ZWILCH: variants seen among roughly 807,000 people sequenced by gnomAD.
The protein encoded by ZWILCH is zwilch kinetochore protein.
In ZWILCH, 74 loss-of-function variants were observed where a neutral mutation model predicts 79.9. The observed-to-expected ratio is 0.93, with a 90% CI of 0.77 to 1.12. The LOEUF (loss-of-function observed/expected upper bound fraction) is 1.12, where lower values mean the gene tolerates loss of function less well. ZWILCH is among the 50% of genes most tolerant of loss of function. ZWILCH has a pLI of 0.00. For synonymous variants in ZWILCH, 241 were observed against 228.2 expected (o/e 1.06, Z -0.51); for missense variants, 694 against 687.5 (o/e 1.01, Z -0.11).
chr15:66,539,204 G>A (rs1489782315), intron 16 of ZWILCH, among the ~76,000 whole-genome samples: 1 of 151,572 alleles, frequency 6.6e-6, no homozygotes, highest in East Asian at 1.9e-4. Flanking sequence ...AATGGTTACC[G>A]ATAGCCTGGG....
At chr15:66,505,445 G>A in intron 1 of ZWILCH, 54 bp downstream of exon 1, 2 of 1,601,852 alleles carry the variant, frequency 1.2e-6, no homozygotes, top group Non-Finnish European at 1.7e-6. Flanking sequence ...TTCTTTCCCT[G>A]GGTGTCTGGA....
intron 6 of ZWILCH, 69 bp downstream of exon 6, chr15:66,520,729 G>GT (rs1180909790): frequency 8.0e-5 from 84 of 1,048,634 alleles, no homozygotes; most frequent in South Asian, 1.8e-4. Flanking sequence ...TAGTTTACAG[G>GT]TTTTTTTTCA....
chr15:66,519,229 T>G, intron 5 of ZWILCH, 151 bp downstream of exon 5: 1 of 697,904 alleles, frequency 1.4e-6, no homozygotes, highest in Non-Finnish European at 2.4e-6. Context: ...GGTGTGTAAC[T>G]TGCAGCATGT....
At chr15:66,508,733 G>C in intron 1 of ZWILCH, 108 bp from the exon 2 acceptor site, 1 of 1,494,766 alleles carries the variant, frequency 6.7e-7, no homozygotes, top group African/African-American at 1.4e-5. Flanking sequence ...CTTGCTTTTT[G>C]CCTTTCCTAT....
At chr15:66,515,901 T>TA (rs1233784188) in intron 4 of ZWILCH, among the ~76,000 whole-genome samples, 2 of 152,232 alleles carry the variant, frequency 1.3e-5, no homozygotes, top group African/African-American at 4.8e-5. Flanking sequence ...TTGTTTTCCT[T>TA]ATGTGTAATC....
chr15:66,543,997 C>T (rs76314173), intron 17 of ZWILCH, among the ~76,000 whole-genome samples: 2,423 of 152,180 alleles, frequency 0.016, 65 homozygotes, highest in African/African-American at 0.056. Flanking sequence ...ATATGGCTCA[C>T]GCCTGTAATC....
intron 12 of ZWILCH, among the ~76,000 whole-genome samples, chr15:66,530,246 C>T: frequency 6.6e-6 from 1 of 152,076 alleles, no homozygotes; most frequent in Non-Finnish European, 1.5e-5. Flanking sequence ...AAGGAATATA[C>T]ACAATTGTAT....
chr15:66,532,897 A>G, intron 13 of ZWILCH, 88 bp from the exon 14 acceptor site: 1 of 908,206 alleles, frequency 1.1e-6, no homozygotes, highest in Non-Finnish European at 1.5e-6. Flanking sequence ...GAATTTAAGA[A>G]TTTAAATAGA....
intron 4 of ZWILCH, among the ~76,000 whole-genome samples, chr15:66,516,853 T>C (rs1038353297): frequency 3.9e-5 from 6 of 152,176 alleles, no homozygotes; most frequent in African/African-American, 1.4e-4. Context: ...AGGTACTTGA[T>C]TTTAGTCATA....
chr15:66,512,377 G>C (rs113507227), intron 2 of ZWILCH, among the ~76,000 whole-genome samples: 1,955 of 151,688 alleles, frequency 0.013, 34 homozygotes, highest in African/African-American at 0.045. Context: ...TCACACCTCA[G>C]CCTCCCAAGT....
intron 4 of ZWILCH, among the ~76,000 whole-genome samples, chr15:66,517,418 G>A (rs1368285233): frequency 7.3e-5 from 1 of 13,776 alleles, no homozygotes; most frequent in Non-Finnish European, 1.2e-4. Flanking sequence ...TTGTGTGTGC[G>A]TGTGTGTGTG....
chr15:66,527,235 TGATTA>T, intron 8 of ZWILCH, 50 bp from the exon 9 acceptor site: 1 of 1,211,508 alleles, frequency 8.3e-7, no homozygotes, highest in Non-Finnish European at 1.2e-6. Flanking sequence ...ACATCCTTAT[TGATTA>T]AACAGTGTTT....
intron 17 of ZWILCH, among the ~76,000 whole-genome samples, chr15:66,542,677 A>G (rs1895231909): frequency 6.6e-6 from 1 of 152,176 alleles, no homozygotes; most frequent in South Asian, 2.1e-4. Context: ...ATAGTAAGGT[A>G]AACAGTGTAC....
At chr15:66,506,653 C>T (rs924107635) in intron 1 of ZWILCH, among the ~76,000 whole-genome samples, 2 of 151,992 alleles carry the variant, frequency 1.3e-5, no homozygotes, top group African/African-American at 4.8e-5. Context: ...AAGGCTCTGT[C>T]TCTAAAATAA....
intron 1 of ZWILCH, 49 bp downstream of exon 1, chr15:66,505,440 T>C: frequency 6.2e-7 from 1 of 1,604,340 alleles, no homozygotes; most frequent in Non-Finnish European, 8.5e-7. Context: ...AGCACTTCTT[T>C]CCCTGGGTGT....
chr15:66,537,128 G>T (rs745652715), intron 15 of ZWILCH, 40 bp from the exon 16 acceptor site: 1 of 1,508,954 alleles, frequency 6.6e-7, no homozygotes, highest in South Asian at 1.1e-5. Context: ...TATGTCAAAT[G>T]GCTCTTTTTT....
At position 66,515,515 on chromosome 15, in the gene ZWILCH, C is replaced by T; in HGVS notation, c.202-11C>T. On this transcript the variant is annotated splice_polypyrimidine_tract_variant and intron_variant, in intron 3 of 18. Coordinates refer to ENST00000307897, the MANE Select transcript of ZWILCH (RefSeq NM_017975.5). ...TTTTGTCTGGTTAAATAATTAAGAA[C>T]ATTTTTAAAGCCTTTAGAAAAGGAA... 2 of 1,544,012 alleles carry T rather than the reference C, an allele frequency of 1.3e-6. No homozygotes were observed. The highest frequency in any genetic ancestry group is 1.8e-6 in the Non-Finnish European group (2 of 1,123,848).
intron 10 of ZWILCH, among the ~76,000 whole-genome samples, chr15:66,528,527 C>T (rs1418602394): frequency 6.6e-6 from 1 of 152,092 alleles, no homozygotes; most frequent in Non-Finnish European, 1.5e-5. Flanking sequence ...TATTAATATA[C>T]TCTAAGATGG....
At chr15:66,532,940 A>G in intron 13 of ZWILCH, 45 bp from the exon 14 acceptor site, 6 of 1,397,900 alleles carry the variant, frequency 4.3e-6, no homozygotes, top group Non-Finnish European at 5.8e-6. Context: ...TATGTAATAG[A>G]AAATACCTGA....
Sources: gnomAD v4.1 joint callset for allele counts (sites outside exome capture counted in the v4.1 genomes callset) on GRCh38, gnomAD v4.1.1 for gene constraint, MANE v1.5 for transcripts, NCBI Gene and HGNC (gene_info 2026-07-23, HGNC 2026-07-21) for gene names.